The following LRRC37A2 variants were observed in gnomAD, a reference collection of about 807,000 sequenced individuals.
LRRC37A2 encodes the protein leucine-rich repeat-containing protein 37A2.
In LRRC37A2, 9 loss-of-function variants were observed where a neutral mutation model predicts 68.8. The observed-to-expected ratio is 0.13, with a 90% CI of 0.08 to 0.23. The LOEUF (loss-of-function observed/expected upper bound fraction) is 0.23. LRRC37A2 is among the 10% of genes least tolerant of loss of function. LRRC37A2 has a pLI of 1.00. For synonymous variants in LRRC37A2, 63 were observed against 367.6 expected, an observed-to-expected ratio of 0.17 and a Z score of 9.48; for missense variants, 168 against 950.4, an observed-to-expected ratio of 0.18 and a Z score of 10.82.
At chr17:46,957,674 G>A in the LRRC37A2 span, among the ~76,000 whole-genome samples, 1 of 152,158 alleles carries the variant, frequency 6.6e-6, no homozygotes, top group Admixed American at 6.5e-5. Context: ...TGAGGAGAAG[G>A]GGAGAGGCAA....
At chr17:46,878,138 T>C in the LRRC37A2 span, among the ~76,000 whole-genome samples, 1 of 152,216 alleles carries the variant, frequency 6.6e-6, no homozygotes, top group Non-Finnish European at 1.5e-5. Context: ...CTGGAGGCAT[T>C]GTACTTCCCC....
the LRRC37A2 span, among the ~76,000 whole-genome samples, chr17:46,982,402 A>G: frequency 6.6e-6 from 1 of 152,226 alleles, no homozygotes; most frequent in Admixed American, 6.5e-5. Flanking sequence ...TGCCCACTCC[A>G]GCGAGTTGTG....
At chr17:46,823,144 A>T in the LRRC37A2 span, among the ~76,000 whole-genome samples, 1 of 128,832 alleles carries the variant, frequency 7.8e-6, no homozygotes, top group South Asian at 2.2e-4. Flanking sequence ...ATATTATATT[A>T]TATATATTTA....
chr17:46,773,944 A>C, the LRRC37A2 span: 1 of 1,603,972 alleles, frequency 6.2e-7, no homozygotes, highest in Non-Finnish European at 8.5e-7. Flanking sequence ...CACTGTGGGC[A>C]CAAAGCACAG....
chr17:46,801,961 A>C, the LRRC37A2 span, among the ~76,000 whole-genome samples: 1 of 152,250 alleles, frequency 6.6e-6, no homozygotes, highest in African/African-American at 2.4e-5. Flanking sequence ...CCATGTGCCC[A>C]GTATTGAAAA....
the LRRC37A2 span, chr17:46,876,333 C>G: frequency 1.9e-6 from 3 of 1,614,056 alleles, no homozygotes; most frequent in Non-Finnish European, 8.5e-7. Context: ...CAGCTCTCCC[C>G]GTTCCGTGAG....
chr17:46,984,579 G>A, the LRRC37A2 span, among the ~76,000 whole-genome samples: 46 of 152,288 alleles, frequency 3.0e-4, no homozygotes, highest in African/African-American at 1.0e-3. Context: ...GCTGCCACCC[G>A]GAGCTTTATG....
At chr17:46,844,306 T>A in the LRRC37A2 span, among the ~76,000 whole-genome samples, 2 of 22,620 alleles carry the variant, frequency 8.8e-5, no homozygotes, top group Non-Finnish European at 1.2e-4. Flanking sequence ...GTTAGCCACC[T>A]TTTTTTTTTT....
chr17:46,848,547 C>T, the LRRC37A2 span, among the ~76,000 whole-genome samples: 5 of 152,194 alleles, frequency 3.3e-5, no homozygotes, highest in Non-Finnish European at 7.4e-5. Context: ...CTCAGGGATC[C>T]TATAATATCA....
the LRRC37A2 span, among the ~76,000 whole-genome samples, chr17:46,894,730 T>C: frequency 6.7e-6 from 1 of 148,164 alleles, no homozygotes; most frequent in Non-Finnish European, 1.5e-5. Flanking sequence ...CCACCTGGCG[T>C]TTAATCTTTA....
chr17:46,642,462 GT>G, the LRRC37A2 span, among the ~76,000 whole-genome samples: 1 of 137,948 alleles, frequency 7.2e-6, no homozygotes, highest in South Asian at 2.2e-4. Flanking sequence ...GTTCTCTTGA[GT>G]TACTTTAGGT....
At chr17:46,950,729 G>A in the LRRC37A2 span, among the ~76,000 whole-genome samples, 1 of 152,284 alleles carries the variant, frequency 6.6e-6, no homozygotes, top group Non-Finnish European at 1.5e-5. Flanking sequence ...ACTGGTCTGT[G>A]TGGGGGCACT....
chr17:46,881,554 T>C, the LRRC37A2 span, among the ~76,000 whole-genome samples: 138 of 152,324 alleles, frequency 9.1e-4, 1 homozygote, highest in African/African-American at 3.2e-3. Flanking sequence ...CCAAACCCCA[T>C]ATTCTCTCTA....
the LRRC37A2 span, among the ~76,000 whole-genome samples, chr17:46,943,802 G>A: frequency 6.6e-6 from 1 of 152,260 alleles, no homozygotes; most frequent in African/African-American, 2.4e-5. Context: ...GAGAGGCATG[G>A]GGCCCCGTGA....
the LRRC37A2 span, among the ~76,000 whole-genome samples, chr17:46,914,305 GC>G: frequency 6.6e-6 from 1 of 152,010 alleles, no homozygotes; most frequent in Non-Finnish European, 1.5e-5. Flanking sequence ...GAGTGACCAG[GC>G]CAGGAGAGTA....
chr17:46,958,152 C>T, the LRRC37A2 span, among the ~76,000 whole-genome samples: 1 of 152,266 alleles, frequency 6.6e-6, no homozygotes, highest in Non-Finnish European at 1.5e-5. Context: ...GGCCAGGGGG[C>T]CTCAGAGGAG....
At chr17:46,713,943 T>G in the LRRC37A2 span, 1 of 1,605,938 alleles carries the variant, frequency 6.2e-7, no homozygotes, top group Non-Finnish European at 8.5e-7. Flanking sequence ...CCTGATAAAA[T>G]GATTGGCTTT....
At chr17:46,725,013 T>C in the LRRC37A2 span, among the ~76,000 whole-genome samples, 1 of 152,212 alleles carries the variant, frequency 6.6e-6, no homozygotes, top group Admixed American at 6.5e-5. Context: ...AATTACTCTC[T>C]AATAAGGCAT....
chr17:46,498,864 T>C, the LRRC37A2 span, among the ~76,000 whole-genome samples: 1 of 150,774 alleles, frequency 6.6e-6, no homozygotes, highest in Admixed American at 6.6e-5. Flanking sequence ...GCTGAGACTT[T>C]CAATGTATGT....
Sources: gnomAD v4.1 joint callset for allele counts (sites outside exome capture counted in the v4.1 genomes callset) on GRCh38, gnomAD v4.1.1 for gene constraint, MANE v1.5 for transcripts, NCBI Gene and HGNC (gene_info 2026-07-23, HGNC 2026-07-21) for gene names.